Variants in FOXJ1 observed in about 807,000 individuals in gnomAD.
FOXJ1 encodes the protein forkhead box protein J1.
A neutral mutation model predicts 29.3 loss-of-function variants in FOXJ1; 8 were observed. That is an observed-to-expected ratio of 0.27 (90% CI 0.16 to 0.49). The LOEUF is 0.49. Ranked by LOEUF, FOXJ1 falls within the 20% of genes least tolerant of loss-of-function variation. The probability of loss-of-function intolerance (pLI) is 0.98; values close to 1 mark genes in which losing one functional copy is unlikely to be tolerated. For synonymous variants in FOXJ1, 280 were observed against 278.7 expected, an observed-to-expected ratio of 1.00 and a Z score of -0.05; for missense variants, 539 against 595.5, an observed-to-expected ratio of 0.91 and a Z score of 0.99.
intron 2 of FOXJ1, among the ~76,000 whole-genome samples, chr17:76,138,594 G>A (rs1043106241): frequency 6.6e-6 from 1 of 152,182 alleles, no homozygotes; most frequent in East Asian, 1.9e-4. Context: ...GAGAGAGCGC[G>A]CAGGGATGAG....
In FOXJ1 at chr17:76,137,500, A is replaced by G; in HGVS notation, c.1119T>C (p.Asp373=). Residue 373 remains aspartate, a synonymous_variant, in exon 3 of 3, where the codon GAT becomes GAC. Coordinates refer to ENST00000322957, the MANE Select transcript of FOXJ1 (RefSeq NM_001454.4). The surrounding 1 kb of genome is among the most constrained non-coding windows in gnomAD (Gnocchi z 9.5). ...GGAAGGATGTGGCCAGGAAGGTCTC[A>G]TCGAAGTCCAGGCTGTCGGCAGCCT... The part of the protein sequence containing the change: ...VEQAADSLDF[D]ETFLATSFLQ... The G allele has an allele frequency of 1.9e-6, 3 of 1,585,356 alleles. No individual in the cohort carries two copies. The highest frequency in any genetic ancestry group is 2.6e-6 in the Non-Finnish European group (3 of 1,166,552).
At position 76,137,673 on chromosome 17, in the gene FOXJ1, C is replaced by G. The variant is rs777253568; in HGVS notation, c.946G>C (p.Asp316His). The change falls in exon 3 of 3, where the codon GAC becomes CAC. Residue 316 changes from aspartate (D) to histidine (H), a missense_variant. By Grantham distance (81) the Asp-to-His change is moderately conservative. Transcript: ENST00000322957. The surrounding 1 kb of genome is among the most constrained non-coding windows in gnomAD (Gnocchi z 9.5). The stretch of plus-strand genomic sequence containing the variant: ...AGCTCCCCGCCCAGAGTGCCGGCGT[C>G]GAAGATGGCCTCCCAGTCAAAGTTG... The part of the protein sequence containing the change: ...KGNFDWEAIF[D>H]AGTLGGELGA... 6.2e-7 allele frequency: 1 copy of G among 1,612,456 alleles called. No individual in the cohort carries two copies. The highest frequency in any genetic ancestry group is 1.1e-5 in the South Asian group (1 of 90,974).
chr17:76,140,347 C>T lies in FOXJ1; in HGVS notation c.49G>A (p.Ala17Thr). The T allele has an allele frequency of 6.7e-7, 1 of 1,497,744 alleles. No homozygotes were observed. 92.8% of individuals were successfully genotyped at this position (1,497,744 alleles called of 1,614,324 possible). ...TCCTCCAGGCCGCCCTCCGGCCCGGCCTCCTCCGCCGGCCCGGCTCCCGAG... is the reference window on the plus strand; with the variant it reads ...TCCTCCAGGCCGCCCTCCGGCCCGGTCTCCTCCGCCGGCCCGGCTCCCGAG... Reference protein sequence around the residue: ...RLSGAGPAEEAGPEGGLEEPD... With the variant: ...RLSGAGPAEETGPEGGLEEPD... Residue 17 changes from alanine (A) to threonine (T), a missense_variant, in exon 2 of 3, where the codon GCC becomes ACC. Transcript: ENST00000322957. The surrounding 1 kb of genome is among the most constrained non-coding windows in gnomAD (Gnocchi z 8.0).
Position 76,140,507 on chromosome 17 carries a change from G to T in FOXJ1, c.-112C>A. 9.9e-7 allele frequency: 1 copy of T among 1,009,446 alleles called. No homozygotes were observed. The highest frequency in any genetic ancestry group is 1.3e-6 in the Non-Finnish European group (1 of 748,692). 62.5% of individuals were successfully genotyped at this position (1,009,446 alleles called of 1,614,324 possible). ...GCAGCTCCCGTTACACGGCCTCCCG[G>T]ACGCGCGCTTCCATCTCGCGACCCC... On this transcript the variant is annotated 5_prime_UTR_variant, in exon 2 of 3. Coordinates refer to ENST00000322957, the MANE Select transcript of FOXJ1 (RefSeq NM_001454.4). The surrounding 1 kb of genome is among the most constrained non-coding windows in gnomAD (Gnocchi z 8.0).
Position 76,139,757 on chromosome 17 carries a change from C to T in FOXJ1, c.498+141G>A, listed in dbSNP as rs951850782. On this transcript the variant is annotated intron_variant, in intron 2 of 2. Coordinates refer to ENST00000322957, the MANE Select transcript of FOXJ1 (RefSeq NM_001454.4). This position sits in a 1 kb window ranked among gnomAD's most constrained non-coding sequence, Gnocchi z 6.6. The stretch of plus-strand genomic sequence containing the variant: ...AGGAGGGGCAGTTGCAAGAACTGGG[C>T]TCCTTTGCAGGGCTCCCTTCTGGGG... The T allele has an allele frequency of 4.9e-6, 4 of 811,684 alleles. No individual in the cohort carries two copies. The South Asian group carries it at 7.0e-5, about 14-fold the overall frequency. 50.3% of individuals were successfully genotyped at this position (811,684 alleles called of 1,614,324 possible). A position where few individuals can be genotyped will look rare whatever the true frequency, so the allele number is the denominator to read the frequency against.
Position 76,137,467 on chromosome 17 carries a change from G to T in FOXJ1, c.1152C>A (p.His384Gln), listed in dbSNP as rs756963248. The change falls in exon 3 of 3, where the codon CAC (histidine) becomes CAA (glutamine). Residue 384 changes from histidine (H) to glutamine (Q), a missense_variant. By Grantham distance (24) the His-to-Gln change is conservative (BLOSUM62 0). Coordinates refer to ENST00000322957, the MANE Select transcript of FOXJ1 (RefSeq NM_001454.4). This position sits in a 1 kb window ranked among gnomAD's most constrained non-coding sequence, Gnocchi z 9.5. ...AGCCACTGCCGCTCTCGTCCCAGGG[G>T]TGCTGCAGGAAGGATGTGGCCAGGA... Reference protein sequence around the residue: ...ETFLATSFLQHPWDESGSGCL... With the variant: ...ETFLATSFLQQPWDESGSGCL... 7 of 1,567,046 alleles carry T rather than the reference G, an allele frequency of 4.5e-6. No homozygotes were observed. In the South Asian group the frequency reaches 4.7e-5, roughly 10 times the overall value.
rs533682068 is a variant in FOXJ1 at position 76,137,009 on chromosome 17, G to A, written c.*344C>T. 8.3e-6 allele frequency: 2 copies of A among 240,220 alleles called. No individual in the cohort carries two copies. Among genetic ancestry groups the A allele is most frequent in the Admixed American group, 5.5e-5 (1 of 18,250 alleles). 14.9% of individuals were successfully genotyped at this position (240,220 alleles called of 1,614,324 possible). On this transcript the variant is annotated 3_prime_UTR_variant, in exon 3 of 3. Coordinates refer to ENST00000322957, the MANE Select transcript of FOXJ1 (RefSeq NM_001454.4). This position sits in a 1 kb window ranked among gnomAD's most constrained non-coding sequence, Gnocchi z 9.5. ...AGGTGCTCTGGGAGGGCCCAGTTCT[G>A]TTCCTCCCCAGCCTGACCCGGGCTC...
Position 76,136,431 on chromosome 17 carries a change from G to GA in FOXJ1, c.*921dup, listed in dbSNP as rs556724053. On this transcript the variant is annotated 3_prime_UTR_variant, in exon 3 of 3. Transcript: ENST00000322957. This position sits in a 1 kb window ranked among gnomAD's most constrained non-coding sequence, Gnocchi z 4.9. ...CCACGGGGCAGGAGGGTGGATGTGG[G>GA]ACGCAGCCCAGGGAGTCCGGGTGGA... The GA allele has an allele frequency of 6.9e-4, 105 of 152,226 alleles. No individual in the cohort carries two copies. The highest frequency in any genetic ancestry group is 2.3e-3 in the African/African-American group (96 of 41,508). 9.4% of individuals were successfully genotyped at this position (152,226 alleles called of 1,614,324 possible). A position where few individuals can be genotyped will look rare whatever the true frequency, so the allele number is the denominator to read the frequency against.
Position 76,137,769 on chromosome 17 carries a change from T to C in FOXJ1, c.850A>G (p.Lys284Glu), listed in dbSNP as rs545716107. 3.1e-6 allele frequency: 5 copies of C among 1,609,454 alleles called. No individual in the cohort carries two copies. The African/African-American group carries it at 5.3e-5, about 17-fold the overall frequency. The change falls in exon 3 of 3, where the codon AAG becomes GAG. Residue 284 changes from lysine (K) to glutamate (E), a missense_variant. Coordinates refer to ENST00000322957, the MANE Select transcript of FOXJ1 (RefSeq NM_001454.4). This position sits in a 1 kb window ranked among gnomAD's most constrained non-coding sequence, Gnocchi z 9.5. ...RKQPLPKRVA[K>E]VPRPPSTLLP... ...AGGGTGCTGGGGGGCCGCGGGACCT[T>C]GGCCACCCGCTTGGGCAGCGGCTGT...
chr17:76,137,904 C>T lies in FOXJ1; in HGVS notation c.715G>A (p.Gly239Arg), dbSNP rs765183665. ...GCCTCGGTATTCACCGTCAGCGGCC[C>T]GGCCCGGGGGACAGCGCTGGGCTCC... is the stretch of plus-strand genomic sequence containing the variant. ...AQEPSAVPRA[G>R]PLTVNTEAQQ... Residue 239 changes from glycine (G) to arginine (R), a missense_variant, in exon 3 of 3, where the codon GGG (glycine) becomes AGG (arginine). Gly to Arg is a moderately radical substitution (Grantham distance 125). Coordinates refer to ENST00000322957, the MANE Select transcript of FOXJ1 (RefSeq NM_001454.4). The surrounding 1 kb of genome is among the most constrained non-coding windows in gnomAD (Gnocchi z 9.5). 17 of 1,565,158 alleles carry T rather than the reference C, an allele frequency of 1.1e-5. No homozygotes were observed. The highest frequency in any genetic ancestry group is 1.9e-5 in the Admixed American group (1 of 53,588).
At position 76,139,370 on chromosome 17, in the gene FOXJ1, C is replaced by A. The variant is rs1402462645; in HGVS notation, c.498+528G>T. Among the ~76,000 whole-genome samples, 1 of 152,196 alleles carries A rather than the reference C, an allele frequency of 6.6e-6. No individual in the cohort carries two copies. Among genetic ancestry groups the A allele is most frequent in the Non-Finnish European group, 1.5e-5 (1 of 68,028 alleles). ...CCCTCCACCCTCCATTGGGACACAC[C>A]TGGCCCTCACATGCTAAGGCACCCC... On this transcript the variant is annotated intron_variant, in intron 2 of 2. Coordinates refer to ENST00000322957, the MANE Select transcript of FOXJ1 (RefSeq NM_001454.4). The surrounding 1 kb of genome is among the most constrained non-coding windows in gnomAD (Gnocchi z 6.6).
chr17:76,137,222 G>T lies in FOXJ1; in HGVS notation c.*131C>A. ...GGCAGCTGGGGCTGGTGGCCATGTG[G>T]CCTCTGGGGCAAGCCTTGGAGCCCT... On this transcript the variant is annotated 3_prime_UTR_variant, in exon 3 of 3. Coordinates refer to ENST00000322957, the MANE Select transcript of FOXJ1 (RefSeq NM_001454.4). This position sits in a 1 kb window ranked among gnomAD's most constrained non-coding sequence, Gnocchi z 9.5. The T allele has an allele frequency of 1.3e-6, 1 of 781,830 alleles. No individual in the cohort carries two copies. Among genetic ancestry groups the T allele is most frequent in the Non-Finnish European group, 1.8e-6 (1 of 543,984 alleles). 48.4% of individuals were successfully genotyped at this position (781,830 alleles called of 1,614,324 possible).
In FOXJ1 at chr17:76,137,865, G is replaced by A. The variant is rs2068489541; in HGVS notation, c.754C>T (p.Arg252Trp). The A allele has an allele frequency of 3.2e-6, 5 of 1,584,820 alleles. No individual in the cohort carries two copies. The highest frequency in any genetic ancestry group is 3.4e-6 in the Non-Finnish European group (4 of 1,165,502). ...TCCCCGGTGGCCTCCTCGAACTCCC[G>A]CAGCAGCTGCTGGGCCTCGGTATTC... The part of the protein sequence containing the change: ...TVNTEAQQLL[R>W]EFEEATGEAG... Residue 252 changes from arginine to tryptophan, a missense_variant, in exon 3 of 3, where the codon CGG becomes TGG. By Grantham distance (101) the Arg-to-Trp change is moderately radical. This residue lies in a region of FOXJ1 where 302 missense variants were observed against 293.6 expected (regional missense o/e 1.03). Transcript: ENST00000322957. This position sits in a 1 kb window ranked among gnomAD's most constrained non-coding sequence, Gnocchi z 9.5.
chr17:76,137,413 A>C lies in FOXJ1; in HGVS notation c.1206T>G (p.Ala402=). 6.5e-7 allele frequency: 1 copy of C among 1,537,388 alleles called. No individual in the cohort carries two copies. Among genetic ancestry groups the C allele is most frequent in the Non-Finnish European group, 8.7e-7 (1 of 1,145,390 alleles). Residue 402 remains alanine (A), a synonymous_variant, in exon 3 of 3, where the codon GCT becomes GCG. Coordinates refer to ENST00000322957, the MANE Select transcript of FOXJ1 (RefSeq NM_001454.4). This position sits in a 1 kb window ranked among gnomAD's most constrained non-coding sequence, Gnocchi z 9.5. ...GCLPPEPLFE[A]GDATLASDLQ... is the part of the protein sequence containing the mutation. ...GGTCGGAGGCCAGGGTGGCATCCCCAGCCTCAAAGAGGGGCTCCGGGGGCA... is the reference window on the plus strand; with the variant it reads ...GGTCGGAGGCCAGGGTGGCATCCCCCGCCTCAAAGAGGGGCTCCGGGGGCA...
At position 76,139,852 on chromosome 17, in the gene FOXJ1, G is replaced by A; in HGVS notation, c.498+46C>T. On this transcript the variant is annotated intron_variant, in intron 2 of 2. Coordinates refer to ENST00000322957, the MANE Select transcript of FOXJ1 (RefSeq NM_001454.4). The surrounding 1 kb of genome is among the most constrained non-coding windows in gnomAD (Gnocchi z 6.6). ...ATGAATCCAGTGCAGCGTGGGGAGC[G>A]AGGAGGGAATGGGGAGGGAGCGGCC... The A allele has an allele frequency of 6.4e-7, 1 of 1,552,318 alleles. No homozygotes were observed. The highest frequency in any genetic ancestry group is 1.2e-5 in the South Asian group (1 of 84,290).
intron 2 of FOXJ1, among the ~76,000 whole-genome samples, chr17:76,138,506 T>G (rs2068494472): frequency 6.6e-6 from 1 of 151,902 alleles, no homozygotes. Context: ...TGCCTGGGCC[T>G]GGCTGGCCCT....
In FOXJ1 at chr17:76,137,881, C is replaced by T. The variant is rs2068489668; in HGVS notation, c.738G>A (p.Glu246=). 1 of 1,580,382 alleles carries T rather than the reference C, an allele frequency of 6.3e-7. No homozygotes were observed. The highest frequency in any genetic ancestry group is 1.3e-5 in the African/African-American group (1 of 74,374). ...PRAGPLTVNT[E]AQQLLREFEE... ...CGAACTCCCGCAGCAGCTGCTGGGC[C>T]TCGGTATTCACCGTCAGCGGCCCGG... The change falls in exon 3 of 3, where the codon GAG becomes GAA. Residue 246 remains glutamate (E), a synonymous_variant. Coordinates refer to ENST00000322957, the MANE Select transcript of FOXJ1 (RefSeq NM_001454.4). The surrounding 1 kb of genome is among the most constrained non-coding windows in gnomAD (Gnocchi z 9.5).
rs201355276 is a variant in FOXJ1 at position 76,139,894 on chromosome 17, C to G, written c.498+4G>C. ...GGAGCGGCCGCCGCCCGTGCCTCCT[C>G]TACCTGCCAGGTGGGATCTGCGTGG... On this transcript the variant is annotated splice_donor_region_variant and intron_variant, in intron 2 of 2. Transcript: ENST00000322957. The surrounding 1 kb of genome is among the most constrained non-coding windows in gnomAD (Gnocchi z 6.6). The G allele has an allele frequency of 1.7e-4, 274 of 1,583,516 alleles. 1 individual carries two copies. The African/African-American group carries it at 3.5e-3, about 20-fold the overall frequency.
chr17:76,139,993 G>C lies in FOXJ1; in HGVS notation c.403C>G (p.Gln135Glu), dbSNP rs2068504768. 2.5e-6 allele frequency: 4 copies of C among 1,613,648 alleles called. No homozygotes were observed. Among genetic ancestry groups the C allele is most frequent in the Non-Finnish European group, 3.4e-6 (4 of 1,179,884 alleles). The change falls in exon 2 of 3, where the codon CAG (glutamine) becomes GAG (glutamate). Residue 135 changes from glutamine to glutamate, a missense_variant. Gln to Glu is a conservative substitution (Grantham distance 29). This residue lies in a region of FOXJ1 where 178 missense variants were observed against 254.4 expected (regional missense o/e 0.70). Transcript: ENST00000322957. The surrounding 1 kb of genome is among the most constrained non-coding windows in gnomAD (Gnocchi z 6.6). Reference sequence around the variant, plus strand: ...GTGATCTTGGTGGCCTTGCTGGCCTGCATGGCCATGCAGATGAGCGTGGCA... The same window carrying C: ...GTGATCTTGGTGGCCTTGCTGGCCTCCATGGCCATGCAGATGAGCGTGGCA... ...SYATLICMAM[Q>E]ASKATKITLS...
Sources: allele counts gnomAD v4.1 joint callset (sites outside exome capture counted in the v4.1 genomes callset), GRCh38; gene constraint gnomAD v4.1.1; regional missense constraint gnomAD v4.1.1; non-coding constraint Gnocchi (gnomAD v3.1); transcripts MANE v1.5; gene names NCBI Gene and HGNC (gene_info 2026-07-23, HGNC 2026-07-21).